Variants in ANP32B observed in about 807,000 individuals in gnomAD.
ANP32B encodes the protein acidic nuclear phosphoprotein 32 family member B, also known as acidic leucine-rich nuclear phosphoprotein 32 family member B.
In ANP32B, 6 loss-of-function variants were observed where a neutral mutation model predicts 32.2. That is an observed-to-expected ratio of 0.19 (90% CI 0.10 to 0.37). The LOEUF is 0.37. ANP32B is among the 10% of genes least tolerant of loss of function. The pLI is 1.00. For missense variants in ANP32B, 204 were observed against 289.2 expected, an observed-to-expected ratio of 0.71 and a Z score of 2.14; for synonymous variants, 98 against 105.8, an observed-to-expected ratio of 0.93 and a Z score of 0.45.
chr9:97,985,563 C>T (rs974467147), intron 1 of ANP32B, among the ~76,000 whole-genome samples: 2 of 152,144 alleles, frequency 1.3e-5, no homozygotes, highest in Admixed American at 1.3e-4. Context: ...AATTGCAAAT[C>T]CGTAGAATAT....
chr9:97,999,725 A>C (rs1827959217), intron 3 of ANP32B, among the ~76,000 whole-genome samples: 1 of 152,138 alleles, frequency 6.6e-6, no homozygotes, highest in Admixed American at 6.5e-5. Context: ...AAGTTAATGT[A>C]CTTATTTTGC....
intron 6 of ANP32B, among the ~76,000 whole-genome samples, chr9:98,013,770 G>T (rs1241176396): frequency 6.6e-6 from 1 of 151,654 alleles, no homozygotes. Context: ...GTGGTGGCAC[G>T]CACTCAAACC....
At chr9:97,994,146 G>T (rs574607047) in intron 1 of ANP32B, among the ~76,000 whole-genome samples, 2 of 152,280 alleles carry the variant, frequency 1.3e-5, no homozygotes, top group East Asian at 1.9e-4. Context: ...ACCAGAGTTG[G>T]AAAGTGCGTT....
At chr9:98,007,802 T>A (rs1828112295) in intron 4 of ANP32B, among the ~76,000 whole-genome samples, 1 of 152,264 alleles carries the variant, frequency 6.6e-6, no homozygotes, top group African/African-American at 2.4e-5. Flanking sequence ...ATTAACCACA[T>A]TAAAGTACAT....
intron 1 of ANP32B, 109 bp downstream of exon 1, chr9:97,983,718 G>A (rs761187608): frequency 5.3e-5 from 44 of 824,622 alleles, no homozygotes; most frequent in Non-Finnish European, 7.0e-5. Flanking sequence ...GGGGAAGAGC[G>A]CAGCTCGTGG....
chr9:98,015,900 A>G lies in ANP32B; in HGVS notation c.*469A>G. 4.1e-6 allele frequency: 4 copies of G among 977,966 alleles called. No homozygotes were observed. The highest frequency in any genetic ancestry group is 4.9e-6 in the Non-Finnish European group (4 of 822,780). 60.6% of individuals were successfully genotyped at this position (977,966 alleles called of 1,614,324 possible). A position where few individuals can be genotyped will look rare whatever the true frequency, so the allele number is the denominator to read the frequency against. ...TTTATGTGACAACTGCCAAAAAAGT[A>G]TTTTTAAGAATTTAAGCGAAATAAA... On this transcript the variant is annotated 3_prime_UTR_variant, in exon 7 of 7. Coordinates refer to ENST00000339399, the MANE Select transcript of ANP32B (RefSeq NM_006401.3).
At chr9:98,007,401 G>C (rs987396025) in intron 4 of ANP32B, among the ~76,000 whole-genome samples, 1 of 152,162 alleles carries the variant, frequency 6.6e-6, no homozygotes, top group Non-Finnish European at 1.5e-5. Context: ...ATAGTTGTTA[G>C]AGAGGATTGA....
At chr9:98,006,100 AGGT>A (rs1828077688) in intron 4 of ANP32B, among the ~76,000 whole-genome samples, 1 of 152,088 alleles carries the variant, frequency 6.6e-6, no homozygotes, top group South Asian at 2.1e-4. Context: ...GGTGGAGCTG[AGGT>A]GGTGATGCTA....
chr9:97,986,111 G>T (rs55699419), intron 1 of ANP32B, among the ~76,000 whole-genome samples: 1 of 151,930 alleles, frequency 6.6e-6, no homozygotes, highest in African/African-American at 2.4e-5. Flanking sequence ...GTGAGCCACC[G>T]CCCCCGGCCA....
intron 4 of ANP32B, among the ~76,000 whole-genome samples, chr9:98,009,417 G>C (rs1828142585): frequency 2.6e-5 from 4 of 152,188 alleles, no homozygotes; most frequent in African/African-American, 9.7e-5. Context: ...TTGGCACCAG[G>C]GACTGGTTTC....
chr9:98,015,346 AT>A lies in ANP32B; in HGVS notation c.689-13del. The A allele has an allele frequency of 6.4e-7, 1 of 1,550,548 alleles. No homozygotes were observed. Among genetic ancestry groups the A allele is most frequent in the Non-Finnish European group, 8.7e-7 (1 of 1,146,508 alleles). ...ATGCCTTTCCACTGTCCTAAAGTCA[AT>A]TTTTGTTACTGTACAGAGGAGGAAG... On this transcript the variant is annotated splice_polypyrimidine_tract_variant and intron_variant, in intron 6 of 6. Coordinates refer to ENST00000339399, the MANE Select transcript of ANP32B (RefSeq NM_006401.3).
chr9:97,997,704 G>C (rs1827927778), intron 2 of ANP32B, among the ~76,000 whole-genome samples: 1 of 152,170 alleles, frequency 6.6e-6, no homozygotes, highest in African/African-American at 2.4e-5. Flanking sequence ...AGTTACTATT[G>C]TTGTTGGCAC....
chr9:97,983,374 A>G lies in ANP32B; in HGVS notation c.-182A>G, dbSNP rs1827627695. On this transcript the variant is annotated 5_prime_UTR_variant, in exon 1 of 7. Transcript: ENST00000339399. The stretch of plus-strand genomic sequence containing the variant: ...TCCATGGTTTCTCTCCGCTCCCGTG[A>G]GTAACTTGGCTCCGGGGGCTCCGCT... 6 of 557,268 alleles carry G rather than the reference A, an allele frequency of 1.1e-5. No individual in the cohort carries two copies. Among genetic ancestry groups the G allele is most frequent in the Non-Finnish European group, 1.9e-5 (6 of 313,094 alleles). 34.5% of individuals were successfully genotyped at this position (557,268 alleles called of 1,614,324 possible). A position where few individuals can be genotyped will look rare whatever the true frequency, so the allele number is the denominator to read the frequency against.
chr9:98,009,631 G>A (rs143963558), intron 4 of ANP32B, among the ~76,000 whole-genome samples: 1,532 of 152,380 alleles, frequency 0.01, 7 homozygotes, highest in Non-Finnish European at 0.017. Flanking sequence ...CGGAGTTCAC[G>A]TGGTAATGGT....
chr9:97,984,389 C>G (rs888608040), intron 1 of ANP32B, among the ~76,000 whole-genome samples: 1 of 151,442 alleles, frequency 6.6e-6, no homozygotes, highest in Non-Finnish European at 1.5e-5. Flanking sequence ...CTCGGCCTTG[C>G]CCACTCCTGC....
chr9:98,006,346 T>C (rs1464956818), intron 4 of ANP32B, among the ~76,000 whole-genome samples: 1 of 152,332 alleles, frequency 6.6e-6, no homozygotes, highest in African/African-American at 2.4e-5. Context: ...AGTCAGAATC[T>C]GATGCTTTTT....
At chr9:98,003,223 A>AT (rs1467595257) in intron 3 of ANP32B, among the ~76,000 whole-genome samples, 2 of 152,186 alleles carry the variant, frequency 1.3e-5, no homozygotes, top group Non-Finnish European at 2.9e-5. Context: ...TCATTGTACA[A>AT]TTTGTGTTTT....
At chr9:97,999,614 G>A (rs539783152) in intron 3 of ANP32B, among the ~76,000 whole-genome samples, 57 of 152,206 alleles carry the variant, frequency 3.7e-4, no homozygotes, top group Non-Finnish European at 7.2e-4. Context: ...TTCTCTCTGG[G>A]CCTCAGTTTC....
In ANP32B at chr9:98,015,494, T is replaced by C. The variant is rs1828261187; in HGVS notation, c.*63T>C. 6.6e-7 allele frequency: 1 copy of C among 1,504,026 alleles called. No individual in the cohort carries two copies. The highest frequency in any genetic ancestry group is 8.9e-7 in the Non-Finnish European group (1 of 1,129,394). 93.2% of individuals were successfully genotyped at this position (1,504,026 alleles called of 1,614,324 possible). ...TTGGTTGGACTGCTCATGGATTTTG[T>C]AGCTGTTTAAAAAAAAAAAAAAGGT... On this transcript the variant is annotated 3_prime_UTR_variant, in exon 7 of 7. Coordinates refer to ENST00000339399, the MANE Select transcript of ANP32B (RefSeq NM_006401.3).
Sources: gnomAD v4.1 joint callset for allele counts (sites outside exome capture counted in the v4.1 genomes callset) on GRCh38, gnomAD v4.1.1 for gene constraint, MANE v1.5 for transcripts, NCBI Gene and HGNC (gene_info 2026-07-23, HGNC 2026-07-21) for gene names.